Variants in AHNAK2 observed in about 807,000 individuals in gnomAD.
AHNAK2 encodes protein AHNAK2.
Under a neutral mutation model 30.7 loss-of-function variants are expected in AHNAK2, and 18 were observed. That is an observed-to-expected ratio of 0.59 (90% CI 0.41 to 0.87). The LOEUF is 0.87. Among genes scored for constraint, AHNAK2 ranks in the 40% least tolerant of loss-of-function variants. The probability of loss-of-function intolerance (pLI) is 0.00; values close to 1 mark genes in which losing one functional copy is unlikely to be tolerated. For synonymous variants in AHNAK2, 3,590 were observed against 3,073.8 expected, an observed-to-expected ratio of 1.17 and a Z score of -5.56; for missense variants, 8,604 against 7,373.0, an observed-to-expected ratio of 1.17 and a Z score of -6.11.
In AHNAK2 at chr14:104,950,873, G is replaced by C. The variant is rs148032399; in HGVS notation, c.4578C>G (p.Asp1526Glu). The C allele has an allele frequency of 1.9e-6, 3 of 1,579,736 alleles. No individual in the cohort carries two copies. Among genetic ancestry groups the C allele is most frequent in the African/African-American group, 2.8e-5 (2 of 72,706 alleles). ...VDVSAPKVEA[D>E]VSLPSMQGDL... ...CCCCCTGCATGGAGGGGAGGCTCAC[G>C]TCGGCCTCCACCTTCGGCGCAGACA... Residue 1526 changes from aspartate to glutamate, a missense_variant, in exon 7 of 7, where the codon GAC (aspartate) becomes GAG (glutamate). By Grantham distance (45) the Asp-to-Glu change is conservative. Transcript: ENST00000333244.
chr14:104,951,875 T>C lies in AHNAK2; in HGVS notation c.3576A>G (p.Lys1192=), dbSNP rs373123191. 5,320 of 1,596,316 alleles carry C rather than the reference T, an allele frequency of 3.3e-3. 150 individuals carry two copies. The highest frequency in any genetic ancestry group is 0.02 in the African/African-American group (1,460 of 71,524). Residue 1192 remains lysine (K), a synonymous_variant, in exon 7 of 7, where the codon AAA becomes AAG. Coordinates refer to ENST00000333244, the MANE Select transcript of AHNAK2 (RefSeq NM_138420.4). ...IEASVDVSAP[K]VEADVSLPSM... Reference sequence around the variant, plus strand: ...AGGGGAGACTCACGTCGGCCTCCACTTTGGGTGCAGACACATCCACCGAGG... The same window carrying C: ...AGGGGAGACTCACGTCGGCCTCCACCTTGGGTGCAGACACATCCACCGAGG...
Position 104,941,338 on chromosome 14 carries a change from T to C in AHNAK2, c.14113A>G (p.Lys4705Glu), listed in dbSNP as rs1337598240. 2.5e-6 allele frequency: 4 copies of C among 1,613,462 alleles called. No homozygotes were observed. The highest frequency in any genetic ancestry group is 3.4e-6 in the Non-Finnish European group (4 of 1,179,892). The stretch of plus-strand genomic sequence containing the variant: ...GAAGAAAATGAAACTTTGGGCACTT[T>C]AAAATGCAGTTTCTTAAACTTCGAA... ...MDSKFKKLHF[K>E]VPKVSFSSTK... Residue 4705 changes from lysine to glutamate, a missense_variant, in exon 7 of 7, where the codon AAA (lysine) becomes GAA (glutamate). By Grantham distance (56) the Lys-to-Glu change is moderately conservative (BLOSUM62 1). Transcript: ENST00000333244.
rs766437745 is a variant in AHNAK2, at chr14:104,953,068, A to T, written c.2383T>A (p.Ser795Thr). Reference protein sequence around the residue: ...AEVTAPDVKMSLSSMEVDVQA... With the variant: ...AEVTAPDVKMTLSSMEVDVQA... The stretch of plus-strand genomic sequence containing the variant: ...ACGTCCACCTCCATGCTGGACAGAG[A>T]CATCTTCACATCGGGGGCTGTCACT... Residue 795 changes from serine to threonine, a missense_variant, in exon 7 of 7, where the codon TCT (serine) becomes ACT (threonine). By Grantham distance (58) the Ser-to-Thr change is moderately conservative. Transcript: ENST00000333244. 6.2e-7 allele frequency: 1 copy of T among 1,613,090 alleles called. No homozygotes were observed. Among genetic ancestry groups the T allele is most frequent in the African/African-American group, 1.3e-5 (1 of 74,604 alleles).
Position 104,942,576 on chromosome 14 carries a change from G to C in AHNAK2, c.12875C>G (p.Thr4292Ser), listed in dbSNP as rs1006705350. ...CATTTTGAACTTGCTGTCTTTGGCA[G>C]TCATGTCCTTGTCGGCTAGGGACAG... The part of the protein sequence containing the change: ...GDLSLADKDM[T>S]AKDSKFKMPK... Residue 4292 changes from threonine (T) to serine (S), a missense_variant, in exon 7 of 7, where the codon ACT becomes AGT. Coordinates refer to ENST00000333244, the MANE Select transcript of AHNAK2 (RefSeq NM_138420.4). 9 of 1,613,102 alleles carry C rather than the reference G, an allele frequency of 5.6e-6. No individual in the cohort carries two copies. In the African/African-American group the frequency reaches 1.2e-4, roughly 22 times the overall value.
At position 104,951,427 on chromosome 14, in the gene AHNAK2, CA is replaced by C. The variant is rs780196661; in HGVS notation, c.4023del (p.Ala1342ProfsTer21). 4 of 1,233,880 alleles carry C rather than the reference CA, an allele frequency of 3.2e-6. 2 individuals are homozygous for C. The South Asian group carries it at 5.7e-5, about 18-fold the overall frequency. 76.4% of individuals were successfully genotyped at this position (1,233,880 alleles called of 1,614,324 possible). A position where few individuals can be genotyped will look rare whatever the true frequency, so the allele number is the denominator to read the frequency against. On this transcript the variant is annotated frameshift_variant, in exon 7 of 7. Coordinates refer to ENST00000333244, the MANE Select transcript of AHNAK2 (RefSeq NM_138420.4). LOFTEE classifies it low-confidence loss of function (END_TRUNC). ...GAGGCCTCAATGGACTTGCCTGGGG[CA>C]GACACCCCGAACGACGGCATCTTGA... ...PKFKMPSFGV[S>X]APGKSIEASV... is the part of the protein sequence containing the mutation.
In AHNAK2 at chr14:104,946,929, A is replaced by G. The variant is rs771260875; in HGVS notation, c.8522T>C (p.Leu2841Pro). Residue 2841 changes from leucine to proline, a missense_variant, in exon 7 of 7, where the codon CTG becomes CCG. By Grantham distance (98) the Leu-to-Pro change is moderately conservative (BLOSUM62 -3). Transcript: ENST00000333244. ...GAAGCTCCCGTCAGCTTCCACCTTC[A>G]GCTCAGACACATCCACCGAGGCCTC... ...SIEASVDVSE[L>P]KVEADGSFPS... 237 of 1,610,790 alleles carry G rather than the reference A, an allele frequency of 1.5e-4. 2 individuals carry two copies. The highest frequency in any genetic ancestry group is 4.9e-4 in the Middle Eastern group (3 of 6,074).
Position 104,944,155 on chromosome 14 carries a change from G to A in AHNAK2, c.11296C>T (p.Leu3766=). 1 of 1,613,394 alleles carries A rather than the reference G, an allele frequency of 6.2e-7. No homozygotes were observed. Among genetic ancestry groups the A allele is most frequent in the South Asian group, 1.1e-5 (1 of 91,028 alleles). The stretch of plus-strand genomic sequence containing the variant: ...TGGACGTCCACCTCCACGCTGGGCA[G>A]AGACACCTCCACATCAGGGGCTGTG... ...EVTAPDVEVS[L]PSVEVDVQAP... Residue 3766 remains leucine, a synonymous_variant, in exon 7 of 7, where the codon CTG becomes TTG. Coordinates refer to ENST00000333244, the MANE Select transcript of AHNAK2 (RefSeq NM_138420.4).
rs780652540 is a variant in AHNAK2, at chr14:104,953,687, G to T, written c.1764C>A (p.Pro588=). The T allele has an allele frequency of 4.3e-6, 7 of 1,613,562 alleles. No individual in the cohort carries two copies. In the Admixed American group the frequency reaches 8.3e-5, roughly 19 times the overall value. The change falls in exon 7 of 7, where the codon CCC becomes CCA. Residue 588 remains proline, a synonymous_variant. Transcript: ENST00000333244. The part of the protein sequence containing the change: ...GQIRMPKFKI[P]SLGWSPSKHT... ...GCTTGCTTGGCGACCATCCTAAGGA[G>T]GGTATCTTGAACTTGGGCATTCTTA...
Position 104,966,227 on chromosome 14 carries a change from C to A in AHNAK2, c.56-8555G>T, listed in dbSNP as rs948913035. On this transcript the variant is annotated intron_variant, in intron 1 of 6. Transcript: ENST00000333244. The surrounding 1 kb of genome is among the most constrained non-coding windows in gnomAD (Gnocchi z 4.3). ...CACTCACCCCCACGTCATCCCGGCC[C>A]CGCCACCTTCCTACTGCTCCGGGGG... Among the ~76,000 whole-genome samples the A allele has an allele frequency of 6.6e-6, 1 of 152,102 alleles. No homozygotes were observed. The highest frequency in any genetic ancestry group is 2.4e-5 in the African/African-American group (1 of 41,404).
chr14:104,961,285 CG>C (rs1566923719), intron 1 of AHNAK2, among the ~76,000 whole-genome samples: 1 of 151,900 alleles, frequency 6.6e-6, no homozygotes, highest in Non-Finnish European at 1.5e-5. Context: ...GAGGCCGAGG[CG>C]GGCGGATCAC....
chr14:104,958,103 C>T (rs1899033301), intron 1 of AHNAK2, among the ~76,000 whole-genome samples: 1 of 152,222 alleles, frequency 6.6e-6, no homozygotes, highest in Non-Finnish European at 1.5e-5. Context: ...TGGAAAGTGT[C>T]TCTAAATGTC....
Position 104,948,880 on chromosome 14 carries a change from AG to A in AHNAK2, c.6570del (p.Ser2191ProfsTer20). The A allele has an allele frequency of 6.2e-7, 1 of 1,608,412 alleles. No homozygotes were observed. The highest frequency in any genetic ancestry group is 1.7e-5 in the Admixed American group (1 of 59,498). ...PPKVEADMSL[P>X]SMQGDLKTTD... Reference sequence around the variant, plus strand: ...GTGGTCTTGAGGTCCCCCTGCATGGAGGGGAGACTCATGTCGGCCTCCACCT... The same window carrying A: ...GTGGTCTTGAGGTCCCCCTGCATGGAGGGAGACTCATGTCGGCCTCCACCT... On this transcript the variant is annotated frameshift_variant, in exon 7 of 7. Coordinates refer to ENST00000333244, the MANE Select transcript of AHNAK2 (RefSeq NM_138420.4). LOFTEE classifies it low-confidence loss of function (END_TRUNC).
intron 1 of AHNAK2, among the ~76,000 whole-genome samples, chr14:104,968,689 G>A (rs552392836): frequency 6.6e-6 from 1 of 152,362 alleles, no homozygotes; most frequent in African/African-American, 2.4e-5. Context: ...GGCCCTGGGG[G>A]CTGGCAGGGA....
Position 104,947,347 on chromosome 14 carries a change from A to C in AHNAK2, c.8104T>G (p.Ser2702Ala). Residue 2702 changes from serine to alanine, a missense_variant, in exon 7 of 7, where the codon TCT (serine) becomes GCT (alanine). Transcript: ENST00000333244. ...KTTDISIQPPSAQLEVQAGQV... is the reference protein window; with the variant it reads ...KTTDISIQPPAAQLEVQAGQV... ...CCAGCCTGGACCTCCAGTTGGGCAG[A>C]GGGGGGCTGAATGCTGATGTCAGTG... The C allele has an allele frequency of 6.2e-7, 1 of 1,612,110 alleles. No homozygotes were observed. The highest frequency in any genetic ancestry group is 8.5e-7 in the Non-Finnish European group (1 of 1,179,470).
chr14:104,968,722 G>A (rs1199151416), intron 1 of AHNAK2, among the ~76,000 whole-genome samples: 1 of 152,212 alleles, frequency 6.6e-6, no homozygotes, highest in Non-Finnish European at 1.5e-5. Context: ...TCCAGTGGCC[G>A]GAAAAGTCCA....
chr14:104,970,699 G>C (rs1475740207), intron 1 of AHNAK2, among the ~76,000 whole-genome samples: 1 of 152,150 alleles, frequency 6.6e-6, no homozygotes, highest in African/African-American at 2.4e-5. Context: ...CTTGGAGCTG[G>C]GGACCCCACC....
chr14:104,965,401 C>CAAAAAA (rs397853385), intron 1 of AHNAK2, among the ~76,000 whole-genome samples: 10 of 85,476 alleles, frequency 1.2e-4, no homozygotes, highest in African/African-American at 2.3e-4. Context: ...AACTCTGTCT[C>CAAAAAA]AAAAAAAAAA....
At position 104,940,727 on chromosome 14, in the gene AHNAK2, G is replaced by A. The variant is rs955004525; in HGVS notation, c.14724C>T (p.Ser4908=). 2 of 1,612,924 alleles carry A rather than the reference G, an allele frequency of 1.2e-6. No individual in the cohort carries two copies. The highest frequency in any genetic ancestry group is 8.5e-7 in the Non-Finnish European group (1 of 1,179,782). Reference sequence around the variant, plus strand: ...AGGTGCCTGGGGATGGCAGCTGGGTGCTTGGCAAGGGGCACTGCACTCTTT... The same window carrying A: ...AGGTGCCTGGGGATGGCAGCTGGGTACTTGGCAAGGGGCACTGCACTCTTT... The part of the protein sequence containing the change: ...PGERVQCPLP[S]TQLPSPGTCV... Residue 4908 remains serine (S), a synonymous_variant, in exon 7 of 7, where the codon AGC becomes AGT. Coordinates refer to ENST00000333244, the MANE Select transcript of AHNAK2 (RefSeq NM_138420.4). This position sits in a 1 kb window ranked among gnomAD's most constrained non-coding sequence, Gnocchi z 4.4.
rs1271809104 is a variant in AHNAK2, at chr14:104,940,057, C to T, written c.15394G>A (p.Asp5132Asn). 1 of 1,611,038 alleles carries T rather than the reference C, an allele frequency of 6.2e-7. No homozygotes were observed. ...TCCCCGAGCCCACATCCTCTGCTGT[C>T]ACCTTCGGTAGACAGATCATGTTTG... ...LPKHDLSTEG[D>N]SRGCGLGDVP... Residue 5132 changes from aspartate to asparagine, a missense_variant, in exon 7 of 7, where the codon GAC becomes AAC. By Grantham distance (23) the Asp-to-Asn change is conservative. Coordinates refer to ENST00000333244, the MANE Select transcript of AHNAK2 (RefSeq NM_138420.4). This position sits in a 1 kb window ranked among gnomAD's most constrained non-coding sequence, Gnocchi z 4.4.
Sources: gnomAD v4.1 joint callset for allele counts (sites outside exome capture counted in the v4.1 genomes callset) on GRCh38, gnomAD v4.1.1 for gene constraint, Gnocchi (gnomAD v3.1) non-coding constraint, MANE v1.5 for transcripts, NCBI Gene and HGNC (gene_info 2026-07-23, HGNC 2026-07-21) for gene names.